The following KCNH1 variants were observed in gnomAD, a reference collection of about 807,000 sequenced individuals.
The protein encoded by KCNH1 is voltage-gated delayed rectifier potassium channel KCNH1.
KCNH1 carries 27 observed loss-of-function variants against 69.2 expected under a neutral mutation model. That is an observed-to-expected ratio of 0.39 (90% CI 0.29 to 0.54). The LOEUF (loss-of-function observed/expected upper bound fraction) is 0.54, where lower values mean the gene tolerates loss of function less well. Ranked by LOEUF, KCNH1 falls within the 20% of genes least tolerant of loss-of-function variation. The pLI, the probability that KCNH1 is intolerant of heterozygous loss-of-function variation, is 0.68. For synonymous variants in KCNH1, 456 were observed against 487.7 expected (o/e 0.93, Z 0.86); for missense variants, 798 against 1,261.6 (o/e 0.63, Z 5.57).
At chr1:211,040,364 C>T (rs6698338) in intron 5 of KCNH1, among the ~76,000 whole-genome samples, 74,685 of 151,884 alleles carry the variant, frequency 0.49, 19,181 homozygotes, top group Non-Finnish European at 0.57. Flanking sequence ...GGAGGGGGTG[C>T]TAATTGAATT....
intron 7 of KCNH1, among the ~76,000 whole-genome samples, chr1:210,910,058 G>T (rs896619148): frequency 6.0e-5 from 9 of 150,968 alleles, no homozygotes; most frequent in African/African-American, 2.2e-4. Flanking sequence ...TTGACACATG[G>T]TAAACAGTCA....
intron 5 of KCNH1, among the ~76,000 whole-genome samples, chr1:211,019,993 C>T (rs1212288349): frequency 6.6e-6 from 1 of 151,966 alleles, no homozygotes; most frequent in African/African-American, 2.4e-5. Flanking sequence ...CTATGGGATA[C>T]AGCACAAGAA....
At chr1:210,772,583 T>C (rs1225551959) in intron 10 of KCNH1, among the ~76,000 whole-genome samples, 1 of 151,788 alleles carries the variant, frequency 6.6e-6, no homozygotes, top group Admixed American at 6.6e-5. Flanking sequence ...TCTGGATCCA[T>C]ACCAGACTCA....
At position 210,680,843 on chromosome 1, in the gene KCNH1, A is replaced by G. The variant is rs913641738; in HGVS notation, c.*2438T>C. 1.3e-5 allele frequency: 2 copies of G among 152,206 alleles called. No individual in the cohort carries two copies. Among genetic ancestry groups the G allele is most frequent in the African/African-American group, 4.8e-5 (2 of 41,432 alleles). 9.4% of individuals were successfully genotyped at this position (152,206 alleles called of 1,614,324 possible). ...CCAGTTTGCGCTGATTCACGAGTGCATTCCTAAAGCTACATTCCCCCCAAG... is the reference window on the plus strand; with the variant it reads ...CCAGTTTGCGCTGATTCACGAGTGCGTTCCTAAAGCTACATTCCCCCCAAG... On this transcript the variant is annotated 3_prime_UTR_variant, in exon 11 of 11. Transcript: ENST00000271751.
rs76389800 is a variant in KCNH1 at position 210,829,084 on chromosome 1, C to T, written c.1463-24918G>A. 5.7e-3 allele frequency among the ~76,000 whole-genome samples: 875 copies of T among 152,252 alleles called. 4 individuals are homozygous for T. Among genetic ancestry groups the T allele is most frequent in the Middle Eastern group, 0.01 (3 of 294 alleles). ...GTTATTCAGGATCTGGCCCCTGCAT[C>T]TCTCCTGAGGGCAGTGGGACTGACA... On this transcript the variant is annotated intron_variant, in intron 7 of 10. Coordinates refer to ENST00000271751, the MANE Select transcript of KCNH1 (RefSeq NM_172362.3).
chr1:210,869,416 T>C (rs1288200652), intron 7 of KCNH1, among the ~76,000 whole-genome samples: 7 of 152,092 alleles, frequency 4.6e-5, no homozygotes, highest in Non-Finnish European at 1.0e-4. Context: ...AGACCTTGTT[T>C]GTTAATTCTA....
At position 211,038,528 on chromosome 1, in the gene KCNH1, G is replaced by A. The variant is rs1689938339; in HGVS notation, c.559-19272C>T. ...AGTTTGGAGGGCTCAGAAGAAGACA[G>A]GAAAATGTGGGAAAGTTTGGAACTT... On this transcript the variant is annotated intron_variant, in intron 5 of 10. Transcript: ENST00000271751. 2.6e-5 allele frequency among the ~76,000 whole-genome samples: 4 copies of A among 152,312 alleles called. No homozygotes were observed. The South Asian group carries it at 8.3e-4, about 32-fold the overall frequency.
chr1:210,711,351 G>A (rs545739137), intron 10 of KCNH1, among the ~76,000 whole-genome samples: 1 of 152,338 alleles, frequency 6.6e-6, no homozygotes, highest in African/African-American at 2.4e-5. Flanking sequence ...AGGGGCCCAA[G>A]CCAGGTTCTC....
chr1:211,089,378 C>T (rs768131933), intron 4 of KCNH1, among the ~76,000 whole-genome samples: 15 of 152,158 alleles, frequency 9.9e-5, no homozygotes, highest in Non-Finnish European at 1.5e-4. Context: ...GGTTGAGAGA[C>T]TTTGCATCTG....
chr1:210,987,642 A>G (rs1376542037), intron 6 of KCNH1, among the ~76,000 whole-genome samples: 3 of 152,014 alleles, frequency 2.0e-5, no homozygotes, highest in South Asian at 2.1e-4. Context: ...GTTCCTCTGG[A>G]AGTTTTGTCT....
chr1:211,010,982 CT>C (rs953911577), intron 6 of KCNH1, among the ~76,000 whole-genome samples: 322 of 151,344 alleles, frequency 2.1e-3, no homozygotes, highest in African/African-American at 7.1e-3. Context: ...GTGCTAAACT[CT>C]TTTTTTTTAA....
At chr1:210,791,023 C>A (rs986441564) in intron 9 of KCNH1, among the ~76,000 whole-genome samples, 1 of 152,164 alleles carries the variant, frequency 6.6e-6, no homozygotes, top group Non-Finnish European at 1.5e-5. Flanking sequence ...CAGCTCACAT[C>A]ATCTTTTCCA....
At chr1:211,010,258 G>A (rs1320090622) in intron 6 of KCNH1, among the ~76,000 whole-genome samples, 1 of 152,086 alleles carries the variant, frequency 6.6e-6, no homozygotes, top group Non-Finnish European at 1.5e-5. Context: ...TAGTGGAGGT[G>A]ACAGCCCAAT....
intron 10 of KCNH1, among the ~76,000 whole-genome samples, chr1:210,741,157 T>C (rs1410978928): frequency 6.6e-6 from 1 of 152,180 alleles, no homozygotes; most frequent in Non-Finnish European, 1.5e-5. Flanking sequence ...TCATCGAGTA[T>C]AAGAAGAAGT....
intron 7 of KCNH1, among the ~76,000 whole-genome samples, chr1:210,856,991 T>C (rs1344361698): frequency 6.7e-6 from 1 of 150,226 alleles, no homozygotes; most frequent in Non-Finnish European, 1.5e-5. Flanking sequence ...GCATCATGGA[T>C]AAGTTGGATG....
chr1:210,835,897 A>T (rs1481234119), intron 7 of KCNH1, among the ~76,000 whole-genome samples: 1 of 152,040 alleles, frequency 6.6e-6, no homozygotes, highest in Admixed American at 6.6e-5. Flanking sequence ...TGGGAGACCA[A>T]GGTAGGCAGA....
rs983697477 is a variant in KCNH1 at position 211,068,398 on chromosome 1, TTTTTG to T, written c.558+14377_558+14381del. On this transcript the variant is annotated intron_variant, in intron 5 of 10. Transcript: ENST00000271751. ...AGCTGAACAATCTGAAAAATCAACT[TTTTTG>T]TTTTTTTTTTGAGACGGAGTCTTGC... is the stretch of plus-strand genomic sequence containing the variant. 1.7e-4 allele frequency among the ~76,000 whole-genome samples: 26 copies of T among 152,140 alleles called. 2 individuals are homozygous for T. The highest frequency in any genetic ancestry group is 3.4e-3 in the Middle Eastern group (1 of 294).
intron 7 of KCNH1, chr1:210,860,385 A>C: frequency 7.1e-7 from 1 of 1,405,512 alleles, no homozygotes; most frequent in Non-Finnish European, 1.0e-6. Flanking sequence ...AGATTCCCTC[A>C]AGCTGTTGGG....
intron 10 of KCNH1, among the ~76,000 whole-genome samples, chr1:210,770,886 A>G (rs922906963): frequency 6.6e-6 from 1 of 152,224 alleles, no homozygotes; most frequent in Non-Finnish European, 1.5e-5. Flanking sequence ...CTCCTTAGCC[A>G]GAAGAGCACG....
Sources: gnomAD v4.1 joint callset for allele counts (sites outside exome capture counted in the v4.1 genomes callset) on GRCh38, gnomAD v4.1.1 for gene constraint, MANE v1.5 for transcripts, NCBI Gene and HGNC (gene_info 2026-07-23, HGNC 2026-07-21) for gene names.